The following GGA3 variants were observed in gnomAD, a reference collection of about 807,000 sequenced individuals.
GGA3 encodes ADP-ribosylation factor-binding protein GGA3.
Under a neutral mutation model 77.5 loss-of-function variants are expected in GGA3, and 57 were observed. The ratio of observed to expected loss-of-function variants is 0.74; its 90% CI spans 0.59 to 0.92. The LOEUF (loss-of-function observed/expected upper bound fraction) is 0.92, where lower values mean the gene tolerates loss of function less well. Among genes scored for constraint, GGA3 ranks in the 40% least tolerant of loss-of-function variants. The pLI is 0.00. For missense variants in GGA3, 970 were observed against 914.9 expected, an observed-to-expected ratio of 1.06 and a Z score of -0.78; for synonymous variants, 416 against 383.7, an observed-to-expected ratio of 1.08 and a Z score of -0.98.
chr17:75,244,241 C>T (rs1298270718), intron 4 of GGA3, among the ~76,000 whole-genome samples: 1 of 152,128 alleles, frequency 6.6e-6, no homozygotes, highest in Non-Finnish European at 1.5e-5. Context: ...CAGAACACGG[C>T]CAGCTGAGCA....
At chr17:75,243,683 A>T in intron 4 of GGA3, 113 bp from the exon 5 acceptor site, 4 of 1,013,756 alleles carry the variant, frequency 3.9e-6, no homozygotes, top group Non-Finnish European at 5.7e-6. Flanking sequence ...TCCTACTCAA[A>T]ATCTGCAGGT....
upstream of GGA3, chr17:75,261,714 G>A (rs757800411): frequency 1.6e-5 from 18 of 1,148,108 alleles, no homozygotes; most frequent in Non-Finnish European, 2.1e-5. Context: ...AGACTGCGAC[G>A]GATACAGGGA....
intron 5 of GGA3, 102 bp downstream of exon 5, chr17:75,243,345 T>C: frequency 1.4e-6 from 2 of 1,451,630 alleles, no homozygotes; most frequent in Non-Finnish European, 1.9e-6. Flanking sequence ...CAAATGCTGT[T>C]CTCTTCAGGA....
chr17:75,245,356 C>T (rs1443987908), intron 3 of GGA3, among the ~76,000 whole-genome samples: 2 of 152,142 alleles, frequency 1.3e-5, no homozygotes, highest in African/African-American at 4.8e-5. Context: ...GGTCATTCTT[C>T]GTTGTGGGGG....
chr17:75,244,740 C>G (rs111651025), intron 3 of GGA3, 23 bp from the exon 4 acceptor site: 1 of 1,571,874 alleles, frequency 6.4e-7, no homozygotes, highest in Non-Finnish European at 8.8e-7. Context: ...AGAGGAGAGG[C>G]GCTCAGTGAG....
chr17:75,238,579 G>T lies in GGA3; in HGVS notation c.2061+73C>A, dbSNP rs189766165. 9.1e-4 allele frequency: 1,005 copies of T among 1,104,094 alleles called. 5 individuals are homozygous for T. In the African/African-American group the frequency reaches 0.014, roughly 15 times the overall value. 68.4% of individuals were successfully genotyped at this position (1,104,094 alleles called of 1,614,324 possible). On this transcript the variant is annotated intron_variant, in intron 16 of 16. Coordinates refer to ENST00000537686, the MANE Select transcript of GGA3 (RefSeq NM_138619.4). ...CAGTCAAAACACTTCCAGCTGGGAG[G>T]TGGTGGGCCTGACGTCCTAATCTGG... is the stretch of plus-strand genomic sequence containing the variant.
rs965505389 is a variant in GGA3, at chr17:75,241,180, C to T, written c.947-123G>A. On this transcript the variant is annotated intron_variant, in intron 10 of 16. Coordinates refer to ENST00000537686, the MANE Select transcript of GGA3 (RefSeq NM_138619.4). The stretch of plus-strand genomic sequence containing the variant: ...CCTCTGGCCTAATCCAACGGCATCT[C>T]TGCCAGGGGATGCTGCAAAGCAAGC... 3 of 1,192,450 alleles carry T rather than the reference C, an allele frequency of 2.5e-6. No homozygotes were observed. The Admixed American group carries it at 5.4e-5, about 21-fold the overall frequency. The allele number at this position is 1,192,450 out of a possible 1,614,324, so 73.9% of individuals were successfully genotyped here.
Position 75,240,356 on chromosome 17 carries a change from A to G in GGA3, c.1249T>C (p.Trp417Arg), listed in dbSNP as rs1367705801. 2 of 1,596,402 alleles carry G rather than the reference A, an allele frequency of 1.3e-6. No homozygotes were observed. Among genetic ancestry groups the G allele is most frequent in the South Asian group, 1.1e-5 (1 of 87,674 alleles). Reference sequence around the variant, plus strand: ...TGTGCCCCTACCTGGAGCAGGTGCCACTGGCTGTTCCCAGCTGACTCTTTG... The same window carrying G: ...TGTGCCCCTACCTGGAGCAGGTGCCGCTGGCTGTTCCCAGCTGACTCTTTG... ...PPKESAGNSQ[W>R]HLLQREQSDL... The change falls in exon 12 of 17, where the codon TGG (tryptophan) becomes CGG (arginine). Residue 417 changes from tryptophan to arginine, a missense_variant. By Grantham distance (101) the Trp-to-Arg change is moderately radical. Coordinates refer to ENST00000537686, the MANE Select transcript of GGA3 (RefSeq NM_138619.4).
In GGA3 at chr17:75,240,904, C is replaced by T. The variant is rs369877572; in HGVS notation, c.1100G>A (p.Arg367Gln). The part of the protein sequence containing the change: ...PPPPQASGPP[R>Q]SRSSSQAEAT... ...CTCGGCCTGGCTAGAGGAGCGGCTCCGTGGAGGTCCTGAGGCCTGGGGTGG... is the reference window on the plus strand; with the variant it reads ...CTCGGCCTGGCTAGAGGAGCGGCTCTGTGGAGGTCCTGAGGCCTGGGGTGG... Residue 367 changes from arginine to glutamine, a missense_variant, in exon 11 of 17, where the codon CGG (arginine) becomes CAG (glutamine). By Grantham distance (43) the Arg-to-Gln change is conservative. Coordinates refer to ENST00000537686, the MANE Select transcript of GGA3 (RefSeq NM_138619.4). The T allele has an allele frequency of 2.4e-5, 38 of 1,613,530 alleles. No individual in the cohort carries two copies. The highest frequency in any genetic ancestry group is 3.0e-5 in the Non-Finnish European group (35 of 1,179,840).
chr17:75,239,611 G>A (rs774218039), intron 13 of GGA3, 40 bp from the exon 14 acceptor site: 6 of 1,510,068 alleles, frequency 4.0e-6, no homozygotes, highest in Non-Finnish European at 5.4e-6. Context: ...CAGAGAGCCA[G>A]CCAGAGCTGC....
intron 1 of GGA3, chr17:75,249,059 A>G (rs2076868824): frequency 2.2e-6 from 2 of 924,548 alleles, no homozygotes; most frequent in Non-Finnish European, 1.3e-6. Flanking sequence ...TTATTTATTT[A>G]TTTTGAGATT....
chr17:75,249,011 G>GC (rs2076867057), intron 1 of GGA3: 1 of 984,004 alleles, frequency 1.0e-6, no homozygotes, highest in Admixed American at 6.2e-5. Flanking sequence ...TGTTGTGGCT[G>GC]CAAGGGGAAG....
intron 1 of GGA3, among the ~76,000 whole-genome samples, chr17:75,256,124 G>C (rs1420379657): frequency 6.6e-6 from 1 of 152,060 alleles, no homozygotes; most frequent in African/African-American, 2.4e-5. Context: ...TAGTGTGTCA[G>C]AATTCTTACA....
intron 1 of GGA3, among the ~76,000 whole-genome samples, chr17:75,250,797 T>C (rs2076938716): frequency 8.3e-6 from 1 of 120,362 alleles, no homozygotes; most frequent in Non-Finnish European, 1.7e-5. Context: ...ATACATATGG[T>C]CTGGGCACGG....
intron 1 of GGA3, among the ~76,000 whole-genome samples, chr17:75,255,782 A>G (rs918671715): frequency 2.0e-5 from 3 of 152,082 alleles, no homozygotes; most frequent in African/African-American, 7.2e-5. Context: ...CCTATCCTCA[A>G]TACCTCCCTC....
At chr17:75,243,206 T>C (rs758435353) in intron 5 of GGA3, 40 bp from the exon 6 acceptor site, 2 of 1,459,040 alleles carry the variant, frequency 1.4e-6, no homozygotes, top group East Asian at 2.3e-5. Context: ...CAGGCTGTGG[T>C]TGCCTTGTCA....
chr17:75,261,785 A>G, upstream of GGA3: 2 of 1,216,498 alleles, frequency 1.6e-6, no homozygotes, highest in Non-Finnish European at 2.3e-6. Context: ...TCTAACGTCC[A>G]GATCAGTGGA....
intron 1 of GGA3, among the ~76,000 whole-genome samples, chr17:75,247,700 C>T (rs1030863808): frequency 2.6e-5 from 4 of 152,226 alleles, no homozygotes; most frequent in African/African-American, 4.8e-5. Context: ...CCCTGGTCAC[C>T]GTGCAACTTG....
chr17:75,253,045 C>A (rs940723457), intron 1 of GGA3, among the ~76,000 whole-genome samples: 1 of 152,184 alleles, frequency 6.6e-6, no homozygotes, highest in Non-Finnish European at 1.5e-5. Context: ...CACATGGACG[C>A]GCATGAAATT....
Sources: gnomAD v4.1 joint callset for allele counts (sites outside exome capture counted in the v4.1 genomes callset) on GRCh38, gnomAD v4.1.1 for gene constraint, MANE v1.5 for transcripts, NCBI Gene and HGNC (gene_info 2026-07-23, HGNC 2026-07-21) for gene names.